The following VPS13B variants were observed in gnomAD, a reference collection of about 807,000 sequenced individuals.
The protein encoded by VPS13B is vacuolar protein sorting 13 homolog B.
VPS13B carries 285 observed loss-of-function variants against 426.4 expected under a neutral mutation model. That is an observed-to-expected ratio of 0.67 (90% CI 0.61 to 0.74). VPS13B has a LOEUF of 0.74. VPS13B is among the 30% of genes least tolerant of loss of function. VPS13B has a pLI of 0.00. For synonymous variants in VPS13B, 1,676 were observed against 1,676.4 expected (o/e 1.00, Z 0.01); for missense variants, 4,537 against 4,782.6 (o/e 0.95, Z 1.51).
rs1435638442 is a variant in VPS13B at position 99,818,325 on chromosome 8, A to C, written c.8362-126A>C. 3.9e-6 allele frequency: 4 copies of C among 1,024,354 alleles called. No homozygotes were observed. The East Asian group carries it at 7.6e-5, about 20-fold the overall frequency. 63.5% of individuals were successfully genotyped at this position (1,024,354 alleles called of 1,614,324 possible). On this transcript the variant is annotated intron_variant, in intron 45 of 61. Transcript: ENST00000357162. ...AGTCTGTTTTTGCTCAGTTTTTTTT[A>C]ATAATGGCTTTTTCCCTAAACTTTA...
At chr8:99,338,278 C>G (rs1032781480) in intron 19 of VPS13B, among the ~76,000 whole-genome samples, 2 of 152,006 alleles carry the variant, frequency 1.3e-5, no homozygotes, top group Non-Finnish European at 2.9e-5. Flanking sequence ...TGTAGATAAT[C>G]TTGAAGAACA....
At chr8:99,148,145 G>A in intron 14 of VPS13B, 135 bp downstream of exon 14, 1 of 945,166 alleles carries the variant, frequency 1.1e-6, no homozygotes, top group South Asian at 1.4e-5. Context: ...CAGGAGGCTG[G>A]GGCAGGATGC....
chr8:99,872,304 G>GTC (rs959231944), intron 61 of VPS13B, among the ~76,000 whole-genome samples: 3 of 152,168 alleles, frequency 2.0e-5, no homozygotes, highest in Admixed American at 1.3e-4. Context: ...TTGTGAAGTG[G>GTC]TCTCTCTCTC....
chr8:99,158,554 C>G (rs1043434150), intron 15 of VPS13B, among the ~76,000 whole-genome samples: 1 of 152,080 alleles, frequency 6.6e-6, no homozygotes, highest in Non-Finnish European at 1.5e-5. Context: ...GCTAATGTAC[C>G]TGGTGACTTC....
intron 7 of VPS13B, 62 bp downstream of exon 7, chr8:99,115,936 G>C (rs1847634317): frequency 1.3e-6 from 2 of 1,541,620 alleles, no homozygotes; most frequent in South Asian, 2.3e-5. Flanking sequence ...TTTTACCATT[G>C]GGAAACTTTA....
intron 30 of VPS13B, chr8:99,536,757 A>C (rs1193478435): frequency 1.9e-6 from 1 of 532,320 alleles, no homozygotes; most frequent in South Asian, 1.4e-5. Flanking sequence ...CCAGTCATTA[A>C]AGTTCTGAAT....
At chr8:99,747,519 C>A (rs1290935504) in intron 39 of VPS13B, among the ~76,000 whole-genome samples, 2 of 151,968 alleles carry the variant, frequency 1.3e-5, no homozygotes, top group Non-Finnish European at 2.9e-5. Context: ...TTATATTTTT[C>A]ATTCAGAAGT....
Position 99,778,690 on chromosome 8 carries a change from C to G in VPS13B, c.7438C>G (p.Gln2480Glu). 1 of 1,613,830 alleles carries G rather than the reference C, an allele frequency of 6.2e-7. No homozygotes were observed. Among genetic ancestry groups the G allele is most frequent in the African/African-American group, 1.3e-5 (1 of 75,014 alleles). The change falls in exon 42 of 62, where the codon CAG becomes GAG. Residue 2480 changes from glutamine to glutamate, a missense_variant. Physicochemically the swap from Gln to Glu is conservative, Grantham distance 29 (BLOSUM62 2). Coordinates refer to ENST00000357162, the MANE Select transcript of VPS13B (RefSeq NM_152564.5). ...GTTTGTTTTCTCAACAGCTGCACCA[C>G]AGTACCTACAGCCATTTGTTTCCGA... is the stretch of plus-strand genomic sequence containing the variant. ...HLDQLGTAAP[Q>E]YLQPFVSDRN...
intron 19 of VPS13B, among the ~76,000 whole-genome samples, chr8:99,318,730 C>A (rs1809814289): frequency 6.6e-6 from 1 of 152,006 alleles, no homozygotes; most frequent in Non-Finnish European, 1.5e-5. Context: ...ACCATGATGG[C>A]CAGGCTGGTC....
At chr8:99,126,881 C>T (rs980847713) in intron 8 of VPS13B, among the ~76,000 whole-genome samples, 15 of 152,022 alleles carry the variant, frequency 9.9e-5, no homozygotes, top group African/African-American at 3.4e-4. Flanking sequence ...ATCACTTGAG[C>T]CCAGGAATTC....
chr8:99,876,961 T>G lies in VPS13B; in HGVS notation c.*1295T>G, dbSNP rs751783665. On this transcript the variant is annotated 3_prime_UTR_variant, in exon 62 of 62. Transcript: ENST00000357162. ...AAGCTCACTGCCTGGGCTCAAGTGA[T>G]CTTACTCCAGCCTCCCAAGCAGCTG... 4 of 152,202 alleles carry G rather than the reference T, an allele frequency of 2.6e-5. No homozygotes were observed. Among genetic ancestry groups the G allele is most frequent in the African/African-American group, 4.8e-5 (2 of 41,442 alleles). The allele number at this position is 152,202 out of a possible 1,614,324, so 9.4% of individuals were successfully genotyped here.
chr8:99,292,790 T>G (rs971383517), intron 19 of VPS13B, among the ~76,000 whole-genome samples: 1 of 152,130 alleles, frequency 6.6e-6, no homozygotes, highest in African/African-American at 2.4e-5. Context: ...ATTTTATATG[T>G]TATATCTATT....
At chr8:99,283,206 A>G (rs1310523535) in intron 19 of VPS13B, among the ~76,000 whole-genome samples, 1 of 152,198 alleles carries the variant, frequency 6.6e-6, no homozygotes, top group East Asian at 1.9e-4. Context: ...TATGTTTAGT[A>G]TTTTTGACAG....
intron 33 of VPS13B, among the ~76,000 whole-genome samples, chr8:99,637,089 T>C (rs1174169136): frequency 6.6e-6 from 1 of 152,064 alleles, no homozygotes; most frequent in Non-Finnish European, 1.5e-5. Flanking sequence ...ACTTAAATTA[T>C]TAGTCCCCTT....
At chr8:99,822,877 G>A (rs1290532911) in intron 50 of VPS13B, among the ~76,000 whole-genome samples, 1 of 152,066 alleles carries the variant, frequency 6.6e-6, no homozygotes, top group Non-Finnish European at 1.5e-5. Context: ...TGTACCTCTG[G>A]AAATCCACTG....
At chr8:99,168,099 T>G (rs1448297467) in intron 15 of VPS13B, among the ~76,000 whole-genome samples, 1 of 152,126 alleles carries the variant, frequency 6.6e-6, no homozygotes. Context: ...TCTTTTTGAT[T>G]TGGTGGATAA....
chr8:99,506,236 T>G (rs538498774), intron 27 of VPS13B, among the ~76,000 whole-genome samples: 1 of 152,316 alleles, frequency 6.6e-6, no homozygotes, highest in South Asian at 2.1e-4. Flanking sequence ...GATTATTATG[T>G]ATATGGATAT....
chr8:99,693,225 G>A (rs370136899), intron 35 of VPS13B, among the ~76,000 whole-genome samples: 13 of 150,894 alleles, frequency 8.6e-5, no homozygotes, highest in South Asian at 2.1e-4. Context: ...TACCAAAGCC[G>A]GGCAGAGACA....
intron 22 of VPS13B, among the ~76,000 whole-genome samples, chr8:99,439,401 G>A (rs957154439): frequency 7.9e-5 from 12 of 152,012 alleles, no homozygotes; most frequent in Admixed American, 7.9e-4. Flanking sequence ...TTTTAGGGCT[G>A]GCACTATGTC....
Sources: allele counts gnomAD v4.1 joint callset (sites outside exome capture counted in the v4.1 genomes callset), GRCh38; gene constraint gnomAD v4.1.1; transcripts MANE v1.5; gene names NCBI Gene and HGNC (gene_info 2026-07-23, HGNC 2026-07-21).